Variants in NCAM2 observed in about 807,000 individuals in gnomAD.
NCAM2 encodes the protein N-CAM-2.
NCAM2 carries 30 observed loss-of-function variants against 98.1 expected under a neutral mutation model. The observed-to-expected ratio is 0.31, with a 90% CI of 0.23 to 0.41. NCAM2 has a LOEUF of 0.41. NCAM2 is among the 10% of genes least tolerant of loss of function. NCAM2 has a pLI of 1.00. For missense variants in NCAM2, 867 were observed against 1,005.8 expected (o/e 0.86, Z 1.87); for synonymous variants, 368 against 342.4 (o/e 1.07, Z -0.83).
intron 1 of NCAM2, among the ~76,000 whole-genome samples, chr21:21,204,083 C>T (rs1388299367): frequency 6.6e-6 from 1 of 152,080 alleles, no homozygotes; most frequent in Non-Finnish European, 1.5e-5. Context: ...TTCTAACATA[C>T]CTGTTTACCT....
chr21:21,146,290 G>T (rs914850623), intron 1 of NCAM2, among the ~76,000 whole-genome samples: 5 of 151,356 alleles, frequency 3.3e-5, no homozygotes, highest in African/African-American at 1.2e-4. Context: ...TATATCCAGG[G>T]TTTTTTGTTT....
intron 11 of NCAM2, among the ~76,000 whole-genome samples, chr21:21,431,368 C>A (rs2077340602): frequency 6.8e-6 from 1 of 148,096 alleles, no homozygotes. Flanking sequence ...GATAATTCTT[C>A]CGAAATAATT....
At chr21:21,321,822 C>T (rs754026322) in intron 5 of NCAM2, among the ~76,000 whole-genome samples, 2 of 152,060 alleles carry the variant, frequency 1.3e-5, no homozygotes, top group African/African-American at 4.8e-5. Context: ...ATAACAGGTG[C>T]CGTCAAGACT....
At chr21:21,280,487 C>T (rs547389745) in intron 1 of NCAM2, 91 bp from the exon 2 acceptor site, 31 of 825,784 alleles carry the variant, frequency 3.8e-5, no homozygotes, top group African/African-American at 3.4e-4. Context: ...AAATAATCAG[C>T]GTTTGGACCA....
At chr21:21,376,943 A>G (rs2076046412) in intron 9 of NCAM2, among the ~76,000 whole-genome samples, 2 of 151,750 alleles carry the variant, frequency 1.3e-5, no homozygotes, top group Non-Finnish European at 3.0e-5. Context: ...ATTAGAGGGT[A>G]GCTAGATTAA....
Position 21,284,330 on chromosome 21 carries a change from G to A in NCAM2, c.267G>A (p.Gly89=). The stretch of plus-strand genomic sequence containing the variant: ...ACAATGCAAATATAGAAGATGCAGG[G>A]ATATATCGTTGTCAAGCAACAGATG... ...TIYNANIEDA[G]IYRCQATDAK... The change falls in exon 3 of 18, where the codon GGG becomes GGA. Residue 89 remains glycine, a synonymous_variant. Transcript: ENST00000400546. 1.2e-6 allele frequency: 2 copies of A among 1,612,810 alleles called. No homozygotes were observed. Among genetic ancestry groups the A allele is most frequent in the East Asian group, 2.2e-5 (1 of 44,774 alleles).
At chr21:21,188,537 C>T (rs1287459154) in intron 1 of NCAM2, among the ~76,000 whole-genome samples, 1 of 152,124 alleles carries the variant, frequency 6.6e-6, no homozygotes, top group Non-Finnish European at 1.5e-5. Context: ...AAAGGAAGCT[C>T]TTATTAAACA....
intron 1 of NCAM2, among the ~76,000 whole-genome samples, chr21:21,259,270 T>G (rs1321957525): frequency 6.6e-6 from 1 of 152,156 alleles, no homozygotes; most frequent in Non-Finnish European, 1.5e-5. Context: ...GTCTCTGTGC[T>G]GAGCCCATTT....
At chr21:21,299,437 C>G (rs1211736600) in intron 5 of NCAM2, among the ~76,000 whole-genome samples, 1 of 151,816 alleles carries the variant, frequency 6.6e-6, no homozygotes, top group Non-Finnish European at 1.5e-5. Flanking sequence ...AATAACCACT[C>G]AGTTATAAGT....
intron 10 of NCAM2, among the ~76,000 whole-genome samples, chr21:21,414,084 T>A (rs951101611): frequency 6.6e-6 from 1 of 152,238 alleles, no homozygotes; most frequent in Non-Finnish European, 1.5e-5. Flanking sequence ...GAGTAAATTC[T>A]ACCACCAGAA....
intron 1 of NCAM2, among the ~76,000 whole-genome samples, chr21:21,265,889 C>T (rs2072250345): frequency 6.6e-6 from 1 of 151,936 alleles, no homozygotes; most frequent in Admixed American, 6.6e-5. Flanking sequence ...TGCACATGTA[C>T]CCCTGAATCT....
At chr21:21,234,005 A>G (rs58398636) in intron 1 of NCAM2, among the ~76,000 whole-genome samples, 1,859 of 151,902 alleles carry the variant, frequency 0.012, 45 homozygotes, top group African/African-American at 0.043. Flanking sequence ...AAGAGCGTAT[A>G]AAAGTTCATA....
intron 1 of NCAM2, among the ~76,000 whole-genome samples, chr21:21,136,464 CT>C (rs10540758): frequency 0.016 from 2,402 of 146,764 alleles, 25 homozygotes; most frequent in Middle Eastern, 0.056. Context: ...CAATTTATCT[CT>C]TTTTTTTTTT....
chr21:21,048,785 A>G (rs1003560500), intron 1 of NCAM2, among the ~76,000 whole-genome samples: 5 of 152,112 alleles, frequency 3.3e-5, no homozygotes, highest in African/African-American at 1.2e-4. Context: ...ATGGTCTCTC[A>G]TATTTGGCTC....
chr21:21,462,826 A>G (rs1983164070), intron 12 of NCAM2, among the ~76,000 whole-genome samples: 1 of 152,104 alleles, frequency 6.6e-6, no homozygotes, highest in Non-Finnish European at 1.5e-5. Context: ...ATGATTGTTT[A>G]TAATTTTTGG....
At chr21:21,499,829 G>A (rs1987509551) in intron 15 of NCAM2, among the ~76,000 whole-genome samples, 1 of 151,870 alleles carries the variant, frequency 6.6e-6, no homozygotes, top group Non-Finnish European at 1.5e-5. Flanking sequence ...AATGAAACTG[G>A]GAATGAAACA....
intron 1 of NCAM2, among the ~76,000 whole-genome samples, chr21:21,265,015 T>TA (rs1555846989): frequency 5.1e-5 from 1 of 19,666 alleles, no homozygotes; most frequent in African/African-American, 1.3e-4. Context: ...CACATATATA[T>TA]TATATATGTG....
chr21:21,411,205 G>A (rs2076880397), intron 10 of NCAM2, among the ~76,000 whole-genome samples: 2 of 119,872 alleles, frequency 1.7e-5, no homozygotes, highest in African/African-American at 6.3e-5. Flanking sequence ...GTTATTGAGG[G>A]ATAAAAATTT....
At chr21:21,265,606 C>A (rs185557775) in intron 1 of NCAM2, among the ~76,000 whole-genome samples, 147 of 150,682 alleles carry the variant, frequency 9.8e-4, no homozygotes, top group Non-Finnish European at 1.5e-3. Context: ...CAGTCATGTC[C>A]TTCACAGTAA....
Sources: gnomAD v4.1 joint callset for allele counts (sites outside exome capture counted in the v4.1 genomes callset) on GRCh38, gnomAD v4.1.1 for gene constraint, MANE v1.5 for transcripts, NCBI Gene and HGNC (gene_info 2026-07-23, HGNC 2026-07-21) for gene names.